Variants in TLK2 observed in about 807,000 individuals in gnomAD.
TLK2 encodes the protein tousled like kinase 2, also known as serine/threonine-protein kinase tousled-like 2.
Under a neutral mutation model 117.3 loss-of-function variants are expected in TLK2, and 6 were observed. That is an observed-to-expected ratio of 0.05 (90% CI 0.03 to 0.10). The LOEUF (loss-of-function observed/expected upper bound fraction) is 0.10, where lower values mean the gene tolerates loss of function less well. Among genes scored for constraint, TLK2 ranks in the 10% least tolerant of loss-of-function variants. The pLI, the probability that TLK2 is intolerant of heterozygous loss-of-function variation, is 1.00. For synonymous variants in TLK2, 257 were observed against 316.7 expected (o/e 0.81, Z 2.00); for missense variants, 299 against 901.2 (o/e 0.33, Z 8.56).
intron 13 of TLK2, among the ~76,000 whole-genome samples, 194 bp downstream of exon 13, chr17:62,576,969 T>C (rs531839072): frequency 7.2e-6 from 1 of 139,508 alleles, no homozygotes; most frequent in Non-Finnish European, 1.6e-5. Context: ...TCTTCTTCTT[T>C]TTTTTTTTTT....
intron 10 of TLK2, among the ~76,000 whole-genome samples, chr17:62,562,217 G>C (rs1394256455): frequency 6.6e-6 from 1 of 152,122 alleles, no homozygotes; most frequent in Non-Finnish European, 1.5e-5. Context: ...AAAATTGGCT[G>C]AGTGTGGGGG....
At chr17:62,499,202 T>G (rs2073976052) in intron 2 of TLK2, among the ~76,000 whole-genome samples, 1 of 151,832 alleles carries the variant, frequency 6.6e-6, no homozygotes, top group Non-Finnish European at 1.5e-5. Flanking sequence ...TTAGCTGGGC[T>G]TGTTGGTGTG....
At chr17:62,581,676 A>G (rs1316728216) in intron 15 of TLK2, among the ~76,000 whole-genome samples, 1 of 151,956 alleles carries the variant, frequency 6.6e-6, no homozygotes, top group African/African-American at 2.4e-5. Flanking sequence ...CTTGGGCTCA[A>G]GTGATCACAC....
At chr17:62,480,603 C>T (rs570767439) in intron 1 of TLK2, among the ~76,000 whole-genome samples, 2 of 152,170 alleles carry the variant, frequency 1.3e-5, no homozygotes, top group African/African-American at 4.8e-5. Flanking sequence ...GTGAGCTCTT[C>T]AGAGACAGGA....
intron 16 of TLK2, among the ~76,000 whole-genome samples, chr17:62,589,907 C>T (rs1450061482): frequency 6.6e-6 from 1 of 151,654 alleles, no homozygotes; most frequent in African/African-American, 2.4e-5. Context: ...CCTGGGTTCA[C>T]GCCATTCTCC....
upstream of TLK2, among the ~76,000 whole-genome samples, chr17:62,475,412 G>A (rs1268558914): frequency 1.1e-4 from 17 of 152,044 alleles, no homozygotes; most frequent in Admixed American, 3.3e-4. Context: ...GCACGACCTC[G>A]GCTCACTGCA....
intron 2 of TLK2, chr17:62,516,471 T>C: frequency 1.2e-6 from 2 of 1,603,206 alleles, no homozygotes; most frequent in South Asian, 1.1e-5. Flanking sequence ...TGCCAGTCTC[T>C]GGACGGCTAC....
chr17:62,506,075 G>T (rs960901054), intron 2 of TLK2, among the ~76,000 whole-genome samples: 3 of 152,192 alleles, frequency 2.0e-5, no homozygotes, highest in African/African-American at 7.2e-5. Flanking sequence ...TTGGAAATAT[G>T]TAATTTAGAG....
At chr17:62,596,763 G>GAC (rs1260796983) in intron 17 of TLK2, 89 bp downstream of exon 17, 3 of 1,123,860 alleles carry the variant, frequency 2.7e-6, no homozygotes, top group Non-Finnish European at 3.9e-6. Context: ...CTGGGTCCAG[G>GAC]ACATACCCTC....
rs79471459 is a variant in TLK2 at position 62,574,434 on chromosome 17, T to C, written c.1121+1067T>C. ...AGGTGAGATGAACAGACGAATAAAC[T>C]AATAATTACATTAAGTATAGCGATA... On this transcript the variant is annotated intron_variant, in intron 12 of 21. Transcript: ENST00000346027. 658 of 1,019,574 alleles carry C rather than the reference T, an allele frequency of 6.5e-4. 3 individuals carry two copies. The African/African-American group carries it at 8.9e-3, about 14-fold the overall frequency. 63.2% of individuals were successfully genotyped at this position (1,019,574 alleles called of 1,614,324 possible).
chr17:62,575,572 T>C (rs918797440), intron 12 of TLK2, among the ~76,000 whole-genome samples: 1 of 152,222 alleles, frequency 6.6e-6, no homozygotes, highest in Non-Finnish European at 1.5e-5. Context: ...TCTAAAAATA[T>C]TAAATATCTA....
At chr17:62,557,223 C>T (rs2078925938) in intron 9 of TLK2, among the ~76,000 whole-genome samples, 1 of 152,190 alleles carries the variant, frequency 6.6e-6, no homozygotes, top group East Asian at 1.9e-4. Context: ...CCGTGCCAGG[C>T]CTATTATTTA....
At position 62,546,344 on chromosome 17, in the gene TLK2, G is replaced by GTTTTTTTTTT. The variant is rs61100480; in HGVS notation, c.532-5951_532-5942dup. Among the ~76,000 whole-genome samples, 14 of 23,344 alleles carry GTTTTTTTTTT rather than the reference G, an allele frequency of 6.0e-4. 1 individual carries two copies. Among genetic ancestry groups the GTTTTTTTTTT allele is most frequent in the Middle Eastern group, 0.026 (1 of 38 alleles). The allele number at this position is 23,344 out of a possible 152,430, so 15.3% of individuals were successfully genotyped here. A position where few individuals can be genotyped will look rare whatever the true frequency, so the allele number is the denominator to read the frequency against. On this transcript the variant is annotated intron_variant, in intron 7 of 21. Coordinates refer to ENST00000346027, the MANE Select transcript of TLK2 (RefSeq NM_006852.6). ...GTTCCCTATTTTGAGTTTGTTGATT[G>GTTTTTTTTTT]TTTTTTTTTTTTTTTTACATAATGA... is the stretch of plus-strand genomic sequence containing the variant.
At chr17:62,514,051 G>A (rs959393973) in intron 2 of TLK2, among the ~76,000 whole-genome samples, 6 of 152,058 alleles carry the variant, frequency 3.9e-5, no homozygotes, top group East Asian at 1.9e-4. Context: ...TGCCTGTAAA[G>A]TGCTACATTA....
At chr17:62,486,677 A>G (rs1320244483) in intron 2 of TLK2, among the ~76,000 whole-genome samples, 3 of 152,228 alleles carry the variant, frequency 2.0e-5, no homozygotes, top group African/African-American at 7.2e-5. Flanking sequence ...ATGCATTGTT[A>G]CTTGTACCTA....
In TLK2 at chr17:62,544,161, C is replaced by G. The variant is rs144140935; in HGVS notation, c.531+7824C>G. Among the ~76,000 whole-genome samples the G allele has an allele frequency of 4.4e-3, 666 of 152,260 alleles. 5 individuals are homozygous for G. Among genetic ancestry groups the G allele is most frequent in the African/African-American group, 0.015 (635 of 41,562 alleles). ...TTACAGCAAGAGGTTTATTTATGGACTCTAAATCTGCTCCATCTATATCTT... is the reference window on the plus strand; with the variant it reads ...TTACAGCAAGAGGTTTATTTATGGAGTCTAAATCTGCTCCATCTATATCTT... On this transcript the variant is annotated intron_variant, in intron 7 of 21. Coordinates refer to ENST00000346027, the MANE Select transcript of TLK2 (RefSeq NM_006852.6).
At chr17:62,518,157 A>T (rs1437531661) in intron 2 of TLK2, among the ~76,000 whole-genome samples, 1 of 152,198 alleles carries the variant, frequency 6.6e-6, no homozygotes, top group Non-Finnish European at 1.5e-5. Flanking sequence ...CAAGGTCATC[A>T]CCAAGGTCTG....
intron 5 of TLK2, among the ~76,000 whole-genome samples, 191 bp downstream of exon 5, chr17:62,523,368 C>A (rs62076079): frequency 1.3e-5 from 2 of 152,136 alleles, no homozygotes; most frequent in East Asian, 1.9e-4. Flanking sequence ...CGCTTGAACC[C>A]ATGAGTTCGA....
upstream of TLK2, among the ~76,000 whole-genome samples, chr17:62,475,953 C>T (rs1331906869): frequency 1.3e-5 from 2 of 151,868 alleles, no homozygotes; most frequent in Admixed American, 1.3e-4. Flanking sequence ...AGCCACCGCT[C>T]CCAGCCTTAA....
Sources: allele counts gnomAD v4.1 joint callset (sites outside exome capture counted in the v4.1 genomes callset), GRCh38; gene constraint gnomAD v4.1.1; transcripts MANE v1.5; gene names NCBI Gene and HGNC (gene_info 2026-07-23, HGNC 2026-07-21).